The following DCC variants were observed in gnomAD, a reference collection of about 807,000 sequenced individuals.
DCC encodes netrin receptor DCC.
Under a neutral mutation model 172.5 loss-of-function variants are expected in DCC, and 58 were observed. That is an observed-to-expected ratio of 0.34 (90% confidence interval 0.27 to 0.42). The LOEUF (loss-of-function observed/expected upper bound fraction) is 0.42, where lower values mean the gene tolerates loss of function less well. Ranked by LOEUF, DCC falls within the 10% of genes least tolerant of loss-of-function variation. The probability of loss-of-function intolerance (pLI) is 1.00; values close to 1 mark genes in which losing one functional copy is unlikely to be tolerated. For synonymous variants in DCC, 709 were observed against 644.5 expected, an observed-to-expected ratio of 1.10 and a Z score of -1.52; for missense variants, 1,740 against 1,791.0, an observed-to-expected ratio of 0.97 and a Z score of 0.51.
intron 1 of DCC, among the ~76,000 whole-genome samples, chr18:52,704,371 GT>G (rs1361363746): frequency 1.3e-5 from 2 of 152,092 alleles, no homozygotes; most frequent in Non-Finnish European, 2.9e-5. Flanking sequence ...ACAAATTGGG[GT>G]CCTGACTTAA....
Position 52,803,403 on chromosome 18 carries a change from T to C in DCC, c.412+51029T>C, listed in dbSNP as rs377671669. Reference sequence around the variant, plus strand: ...ATGAAATTATCACAGTAGTACAATGTGTACTACAGTTAATTTTATGCATTT... The same window carrying C: ...ATGAAATTATCACAGTAGTACAATGCGTACTACAGTTAATTTTATGCATTT... On this transcript the variant is annotated intron_variant, in intron 2 of 28. Coordinates refer to ENST00000442544, the MANE Select transcript of DCC (RefSeq NM_005215.4). 2.6e-5 allele frequency among the ~76,000 whole-genome samples: 4 copies of C among 152,296 alleles called. No individual in the cohort carries two copies. In the South Asian group the frequency reaches 6.2e-4, roughly 24 times the overall value.
At chr18:52,750,919 A>G (rs188933989) in intron 1 of DCC, among the ~76,000 whole-genome samples, 182 of 152,320 alleles carry the variant, frequency 1.2e-3, no homozygotes, top group African/African-American at 4.3e-3. Flanking sequence ...TGAAGACTAA[A>G]ACATAATTTA....
rs79450567 is a variant in DCC, at chr18:53,009,534, A to T, written c.986-53771A>T. ...GAAAGTGAAGGCAAGAAATTGTTAA[A>T]ACTCTGAATTCAGGTTTGGAAGTTA... On this transcript the variant is annotated intron_variant, in intron 5 of 28. Coordinates refer to ENST00000442544, the MANE Select transcript of DCC (RefSeq NM_005215.4). Among the ~76,000 whole-genome samples the T allele has an allele frequency of 6.7e-4, 102 of 151,914 alleles. 2 individuals carry two copies. The East Asian group carries it at 0.017, about 26-fold the overall frequency.
intron 1 of DCC, among the ~76,000 whole-genome samples, chr18:52,651,429 T>G (rs2035128991): frequency 6.6e-6 from 1 of 151,624 alleles, no homozygotes; most frequent in Non-Finnish European, 1.5e-5. Context: ...GCGATCCTCC[T>G]GCCTTGTCCT....
intron 1 of DCC, among the ~76,000 whole-genome samples, chr18:52,431,298 A>G (rs988930902): frequency 6.6e-6 from 1 of 152,170 alleles, no homozygotes; most frequent in African/African-American, 2.4e-5. Flanking sequence ...AAAAAAAATA[A>G]GAAAAGCAAT....
chr18:52,431,752 C>G (rs1987632508), intron 1 of DCC, among the ~76,000 whole-genome samples: 1 of 152,062 alleles, frequency 6.6e-6, no homozygotes, highest in South Asian at 2.1e-4. Flanking sequence ...AGACACTAGC[C>G]TTTTTTCACG....
chr18:53,078,425 CAT>C (rs1057505634), intron 7 of DCC, among the ~76,000 whole-genome samples: 21 of 152,226 alleles, frequency 1.4e-4, no homozygotes, highest in Admixed American at 5.9e-4. Context: ...ACTCCTCAAA[CAT>C]AACACAGCCA....
chr18:52,344,956 C>T (rs917636970), intron 1 of DCC, among the ~76,000 whole-genome samples: 1 of 152,180 alleles, frequency 6.6e-6, no homozygotes, highest in African/African-American at 2.4e-5. Context: ...ATTATGATAG[C>T]TCTAATTACA....
At chr18:53,334,901 G>A (rs1265203684) in intron 14 of DCC, among the ~76,000 whole-genome samples, 1 of 152,122 alleles carries the variant, frequency 6.6e-6, no homozygotes, top group East Asian at 1.9e-4. Context: ...CAACATGGAT[G>A]TACAAATATT....
intron 5 of DCC, among the ~76,000 whole-genome samples, chr18:52,997,498 G>T (rs538471175): frequency 6.6e-6 from 1 of 152,080 alleles, no homozygotes; most frequent in African/African-American, 2.4e-5. Flanking sequence ...GCCAAAATAT[G>T]ATAGGACAGA....
At chr18:52,644,816 G>A in intron 1 of DCC, among the ~76,000 whole-genome samples, 2 of 137,904 alleles carry the variant, frequency 1.5e-5, no homozygotes, top group Non-Finnish European at 3.2e-5. Context: ...AGGAAGGGAG[G>A]GAGGGAGGGA....
At chr18:52,916,181 C>T (rs915548708) in intron 3 of DCC, among the ~76,000 whole-genome samples, 5 of 148,704 alleles carry the variant, frequency 3.4e-5, no homozygotes, top group African/African-American at 7.4e-5. Context: ...CTTCTGAGGT[C>T]ATTTGTGTTT....
At chr18:53,207,316 G>A (rs544490763) in intron 10 of DCC, among the ~76,000 whole-genome samples, 1 of 152,274 alleles carries the variant, frequency 6.6e-6, no homozygotes, top group Non-Finnish European at 1.5e-5. Context: ...TTATTTCTTG[G>A]TGAATTATTC....
At chr18:52,625,700 A>G (rs2034559988) in intron 1 of DCC, among the ~76,000 whole-genome samples, 1 of 152,166 alleles carries the variant, frequency 6.6e-6, no homozygotes, top group Non-Finnish European at 1.5e-5. Flanking sequence ...ATCTTGAAAG[A>G]GCTGAGCTGT....
intron 7 of DCC, among the ~76,000 whole-genome samples, chr18:53,146,129 G>A (rs886964386): frequency 3.9e-5 from 6 of 152,198 alleles, no homozygotes; most frequent in Non-Finnish European, 8.8e-5. Flanking sequence ...CTCCTTGGGA[G>A]GCTGAGTCTT....
chr18:52,377,155 C>A (rs944953380), intron 1 of DCC, among the ~76,000 whole-genome samples: 2 of 152,114 alleles, frequency 1.3e-5, no homozygotes, highest in African/African-American at 4.8e-5. Flanking sequence ...AGCTTTTTTT[C>A]TTCTCTAATT....
At chr18:53,466,268 A>G (rs1010430551) in intron 24 of DCC, among the ~76,000 whole-genome samples, 2 of 152,012 alleles carry the variant, frequency 1.3e-5, no homozygotes, top group Admixed American at 6.6e-5. Context: ...TCTCCTAGGA[A>G]ACTTTTTTAG....
intron 27 of DCC, among the ~76,000 whole-genome samples, chr18:53,507,429 T>A (rs2046194367): frequency 6.6e-6 from 1 of 152,242 alleles, no homozygotes; most frequent in African/African-American, 2.4e-5. Context: ...AGTCTTCGAT[T>A]TGAATGTTTA....
chr18:53,342,853 T>A (rs902037213), intron 15 of DCC, among the ~76,000 whole-genome samples: 2 of 147,696 alleles, frequency 1.4e-5, no homozygotes, highest in African/African-American at 4.9e-5. Flanking sequence ...TAAATATATA[T>A]ACATATGTAT....
Sources: allele counts gnomAD v4.1 joint callset (sites outside exome capture counted in the v4.1 genomes callset), GRCh38; gene constraint gnomAD v4.1.1; transcripts MANE v1.5; gene names NCBI Gene and HGNC (gene_info 2026-07-23, HGNC 2026-07-21).